PTCHD4: variants seen among roughly 807,000 people sequenced by gnomAD.
PTCHD4 encodes patched domain-containing protein 4.
PTCHD4 carries 33 observed loss-of-function variants against 58.1 expected under a neutral mutation model. The observed-to-expected ratio is 0.57, with a 90% CI of 0.43 to 0.76. The LOEUF is 0.76. Among genes scored for constraint, PTCHD4 ranks in the 30% least tolerant of loss-of-function variants. The probability of loss-of-function intolerance (pLI) is 0.00; values close to 1 mark genes in which losing one functional copy is unlikely to be tolerated. For missense variants in PTCHD4, 1,058 were observed against 1,027.1 expected (o/e 1.03, Z -0.41); for synonymous variants, 478 against 409.6 (o/e 1.17, Z -2.02).
chr6:47,897,454 A>C lies in PTCHD4; in HGVS notation c.899-17518T>G, dbSNP rs116047751. Among the ~76,000 whole-genome samples, 935 of 152,290 alleles carry C rather than the reference A, an allele frequency of 6.1e-3. 12 individuals carry two copies. Among genetic ancestry groups the C allele is most frequent in the African/African-American group, 0.021 (868 of 41,562 alleles). On this transcript the variant is annotated intron_variant, in intron 4 of 4. Coordinates refer to ENST00000339488, the MANE Select transcript of PTCHD4 (RefSeq NM_001384253.1). ...AAGGATACCAGTCACCCGTCTCTTA[A>C]CATTGGTCTCTGGCATTCTGTCTCC...
intron 3 of PTCHD4, among the ~76,000 whole-genome samples, chr6:48,026,833 G>A (rs1763263957): frequency 6.6e-6 from 1 of 152,012 alleles, no homozygotes; most frequent in Admixed American, 6.6e-5. Flanking sequence ...ACATATTGGG[G>A]CAGACGAAAA....
rs561741890 is a variant in PTCHD4 at position 47,863,370 on chromosome 6, A to G, written c.*14933T>C. Among the ~76,000 whole-genome samples, 101 of 152,028 alleles carry G rather than the reference A, an allele frequency of 6.6e-4. No homozygotes were observed. The highest frequency in any genetic ancestry group is 3.2e-3 in the Admixed American group (48 of 15,234). On this transcript the variant is annotated 3_prime_UTR_variant, in exon 5 of 5. Coordinates refer to ENST00000339488, the MANE Select transcript of PTCHD4 (RefSeq NM_001384253.1). ...ATTTAAGCTTCATTAGCTACATGCT[A>G]CACTTGCATATCCCACATGAAAAAT...
chr6:47,865,047 A>G lies in PTCHD4; in HGVS notation c.*13256T>C, dbSNP rs1193150631. Among the ~76,000 whole-genome samples the G allele has an allele frequency of 6.6e-6, 1 of 151,894 alleles. No individual in the cohort carries two copies. The highest frequency in any genetic ancestry group is 1.5e-5 in the Non-Finnish European group (1 of 67,902). ...AAGCATAAATCACCTGAACTGCTAA[A>G]TTCCCTGAAATGCAAATAAATCTCA... On this transcript the variant is annotated 3_prime_UTR_variant, in exon 5 of 5. Transcript: ENST00000339488.
chr6:47,960,263 G>A lies in PTCHD4; in HGVS notation c.898+48371C>T, dbSNP rs192872935. Among the ~76,000 whole-genome samples the A allele has an allele frequency of 2.3e-3, 346 of 152,118 alleles. 7 individuals carry two copies. Among genetic ancestry groups the A allele is most frequent in the Admixed American group, 1.7e-3 (26 of 15,276 alleles). On this transcript the variant is annotated intron_variant, in intron 4 of 4. Coordinates refer to ENST00000339488, the MANE Select transcript of PTCHD4 (RefSeq NM_001384253.1). ...GAGGAGATAAGATAGAATAACAAAAGCACTCTATATATGCTGATAGAAAAG... is the reference window on the plus strand; with the variant it reads ...GAGGAGATAAGATAGAATAACAAAAACACTCTATATATGCTGATAGAAAAG...
At chr6:48,012,101 T>C (rs938010653) in intron 3 of PTCHD4, among the ~76,000 whole-genome samples, 18 of 152,236 alleles carry the variant, frequency 1.2e-4, no homozygotes, top group Admixed American at 3.9e-4. Context: ...TCTCCAACTC[T>C]GTGAGGAAAG....
At chr6:48,017,670 T>C (rs1762913042) in intron 3 of PTCHD4, among the ~76,000 whole-genome samples, 1 of 152,152 alleles carries the variant, frequency 6.6e-6, no homozygotes, top group Non-Finnish European at 1.5e-5. Context: ...TATACTGGAG[T>C]AGCCTCAAGT....
At chr6:47,984,788 A>G (rs967227681) in intron 4 of PTCHD4, among the ~76,000 whole-genome samples, 1 of 152,110 alleles carries the variant, frequency 6.6e-6, no homozygotes, top group Non-Finnish European at 1.5e-5. Flanking sequence ...GTAATTTGTC[A>G]TAATTGCACT....
At chr6:47,967,409 T>C (rs1006975137) in intron 4 of PTCHD4, among the ~76,000 whole-genome samples, 1 of 152,182 alleles carries the variant, frequency 6.6e-6, no homozygotes, top group African/African-American at 2.4e-5. Flanking sequence ...GCATAATTCT[T>C]AAGAGCCCTA....
At position 47,954,077 on chromosome 6, in the gene PTCHD4, G is replaced by A. The variant is rs570290066; in HGVS notation, c.898+54557C>T. ...AATTGCTTAAGAAGGACATAATTAG[G>A]TCAGTGCGGTGGCTCACACCTATAA... On this transcript the variant is annotated intron_variant, in intron 4 of 4. Coordinates refer to ENST00000339488, the MANE Select transcript of PTCHD4 (RefSeq NM_001384253.1). 2.8e-3 allele frequency among the ~76,000 whole-genome samples: 427 copies of A among 152,132 alleles called. 3 individuals are homozygous for A. Among genetic ancestry groups the A allele is most frequent in the African/African-American group, 9.8e-3 (408 of 41,520 alleles).
chr6:47,878,303 T>C lies in PTCHD4; in HGVS notation c.2532A>G (p.Ter844TrpextTer3), dbSNP rs1381227582. 5.1e-6 allele frequency: 8 copies of C among 1,583,982 alleles called. No homozygotes were observed. The South Asian group carries it at 9.4e-5, about 19-fold the overall frequency. ...QENPDHVTTV[*>W] ...AAAATAATCCACTGGTCTATACCCC[T>C]CATACTGTGGTGACGTGATCCGGGT... Residue 844 changes from the stop codon to tryptophan (W), a stop_lost, in exon 5 of 5, where the codon TGA (stop) becomes TGG (tryptophan). Coordinates refer to ENST00000339488, the MANE Select transcript of PTCHD4 (RefSeq NM_001384253.1).
At chr6:48,004,334 G>A (rs748320183) in intron 4 of PTCHD4, among the ~76,000 whole-genome samples, 10 of 152,040 alleles carry the variant, frequency 6.6e-5, no homozygotes, top group African/African-American at 1.2e-4. Flanking sequence ...TACACATAAC[G>A]CAGACTCAGA....
intron 3 of PTCHD4, among the ~76,000 whole-genome samples, chr6:48,053,134 C>G (rs1764292177): frequency 6.6e-6 from 1 of 152,030 alleles, no homozygotes; most frequent in Non-Finnish European, 1.5e-5. Flanking sequence ...AATGAGAGAT[C>G]TCAGGTTTGC....
chr6:47,962,829 CAA>C (rs200073541), intron 4 of PTCHD4, among the ~76,000 whole-genome samples: 6 of 113,286 alleles, frequency 5.3e-5, no homozygotes, highest in Admixed American at 9.1e-5. Flanking sequence ...TACAACTCAG[CAA>C]AAAAAAAAAA....
intron 4 of PTCHD4, among the ~76,000 whole-genome samples, chr6:47,990,312 GA>G (rs1038238285): frequency 1.3e-5 from 2 of 152,138 alleles, no homozygotes; most frequent in Non-Finnish European, 2.9e-5. Context: ...GACTTTGGGG[GA>G]CTGTTGGAAA....
chr6:47,975,672 A>C (rs187971289), intron 4 of PTCHD4, among the ~76,000 whole-genome samples: 34 of 152,264 alleles, frequency 2.2e-4, no homozygotes, highest in African/African-American at 7.2e-4. Context: ...CCTCTTCCTG[A>C]CTGTGCTATT....
intron 4 of PTCHD4, among the ~76,000 whole-genome samples, chr6:47,919,595 G>A (rs927052637): frequency 4.6e-5 from 7 of 152,154 alleles, no homozygotes; most frequent in African/African-American, 1.7e-4. Flanking sequence ...CGTGCTTAGA[G>A]AGGGGAGAAA....
chr6:48,018,217 T>C (rs1263878509), intron 3 of PTCHD4, among the ~76,000 whole-genome samples: 2 of 152,218 alleles, frequency 1.3e-5, no homozygotes, highest in East Asian at 3.8e-4. Context: ...CCATTTCTGC[T>C]ACTATACCGC....
intron 4 of PTCHD4, among the ~76,000 whole-genome samples, chr6:47,947,454 A>C (rs1382577860): frequency 1.3e-5 from 2 of 151,980 alleles, no homozygotes; most frequent in East Asian, 1.9e-4. Context: ...CTTGAATTAC[A>C]TTCATTAGCT....
intron 4 of PTCHD4, among the ~76,000 whole-genome samples, chr6:47,921,273 T>C (rs187792016): frequency 6.6e-6 from 1 of 152,324 alleles, no homozygotes; most frequent in East Asian, 1.9e-4. Flanking sequence ...TGCTTTGTTT[T>C]ACGCTTTTGG....
Sources: gnomAD v4.1 joint callset for allele counts (sites outside exome capture counted in the v4.1 genomes callset) on GRCh38, gnomAD v4.1.1 for gene constraint, MANE v1.5 for transcripts, NCBI Gene and HGNC (gene_info 2026-07-23, HGNC 2026-07-21) for gene names.